Variants in R3HCC1L observed in about 807,000 individuals in gnomAD.
The protein encoded by R3HCC1L is coiled-coil domain-containing protein R3HCC1L.
R3HCC1L carries 51 observed loss-of-function variants against 59.9 expected under a neutral mutation model. The ratio of observed to expected loss-of-function variants is 0.85; its 90% CI spans 0.68 to 1.07. The LOEUF is 1.07. R3HCC1L is among the 50% of genes least tolerant of loss of function. The pLI is 0.00. For synonymous variants in R3HCC1L, 322 were observed against 315.2 expected, an observed-to-expected ratio of 1.02 and a Z score of -0.23; for missense variants, 965 against 933.0, an observed-to-expected ratio of 1.03 and a Z score of -0.45.
rs1852929197 is a variant in R3HCC1L at position 98,208,097 on chromosome 10, G to A, written c.-14-4G>A. ...CTAATAATTAAATCATTCTTCTCTT[G>A]CAGATTGTGGTGGTGCCATGCAGCA... On this transcript the variant is annotated splice_polypyrimidine_tract_variant and splice_region_variant and intron_variant, in intron 4 of 9. Transcript: ENST00000298999. The A allele has an allele frequency of 6.3e-7, 1 of 1,582,226 alleles. No individual in the cohort carries two copies. Among genetic ancestry groups the A allele is most frequent in the South Asian group, 1.2e-5 (1 of 85,836 alleles).
At chr10:98,176,732 T>A (rs1849061705) in intron 4 of R3HCC1L, among the ~76,000 whole-genome samples, 1 of 152,158 alleles carries the variant, frequency 6.6e-6, no homozygotes, top group Non-Finnish European at 1.5e-5. Context: ...AAACCTCCAT[T>A]TTAATGTCAA....
chr10:98,192,509 A>G (rs1414308853), intron 4 of R3HCC1L, among the ~76,000 whole-genome samples: 1 of 152,186 alleles, frequency 6.6e-6, no homozygotes, highest in Non-Finnish European at 1.5e-5. Flanking sequence ...TTAAGTGACT[A>G]TTATAAACAA....
rs749862286 is a variant in R3HCC1L, at chr10:98,208,809, A to T, written c.695A>T (p.Asn232Ile). Reference sequence around the variant, plus strand: ...TTTAGTTCTGTCATGAAACCTGAGAATATGATTGTACCAATAAAACTAAGC... The same window carrying T: ...TTTAGTTCTGTCATGAAACCTGAGATTATGATTGTACCAATAAAACTAAGC... ...RVFSSVMKPE[N>I]MIVPIKLSSD... The change falls in exon 5 of 10, where the codon AAT becomes ATT. Residue 232 changes from asparagine to isoleucine, a missense_variant. Coordinates refer to ENST00000298999, the MANE Select transcript of R3HCC1L (RefSeq NM_001351015.2). 1.9e-6 allele frequency: 3 copies of T among 1,614,082 alleles called. No homozygotes were observed. Among genetic ancestry groups the T allele is most frequent in the African/African-American group, 1.3e-5 (1 of 75,046 alleles).
chr10:98,147,852 A>C (rs1166241299), intron 1 of R3HCC1L, among the ~76,000 whole-genome samples: 1 of 152,112 alleles, frequency 6.6e-6, no homozygotes, highest in African/African-American at 2.4e-5. Context: ...TGATACCTCC[A>C]GTTTTCTTCT....
At chr10:98,149,716 T>G (rs1211723228) in intron 1 of R3HCC1L, among the ~76,000 whole-genome samples, 2 of 152,246 alleles carry the variant, frequency 1.3e-5, no homozygotes, top group African/African-American at 4.8e-5. Context: ...GATTTCTGCT[T>G]TTTTGAATTT....
At chr10:98,196,850 G>A (rs140040751) in intron 4 of R3HCC1L, among the ~76,000 whole-genome samples, 3 of 152,208 alleles carry the variant, frequency 2.0e-5, no homozygotes, top group South Asian at 2.1e-4. Context: ...AATAAAATCC[G>A]AAGCTCTTGC....
chr10:98,233,661 T>C (rs945510942), intron 6 of R3HCC1L, among the ~76,000 whole-genome samples: 21 of 152,204 alleles, frequency 1.4e-4, no homozygotes, highest in African/African-American at 4.8e-4. Flanking sequence ...CTGAAAAATA[T>C]AACTGTTATG....
Position 98,192,004 on chromosome 10 carries a change from C to T in R3HCC1L, c.-14-16097C>T, listed in dbSNP as rs528553909. On this transcript the variant is annotated intron_variant, in intron 4 of 9. Transcript: ENST00000298999. ...CACGCCTGGCTAATTTTTGTACCTT[C>T]AGTAGAGATGGGGCTTCACCATGTT... Among the ~76,000 whole-genome samples, 6 of 152,138 alleles carry T rather than the reference C, an allele frequency of 3.9e-5. No individual in the cohort carries two copies. The South Asian group carries it at 1.2e-3, about 32-fold the overall frequency.
chr10:98,222,859 C>T lies in R3HCC1L; in HGVS notation c.1786-8653C>T, dbSNP rs1855198618. Reference sequence around the variant, plus strand: ...CAATAAAAAATGATAAAGGGGATATCACCACCGATCCCACAGAAATACAAA... The same window carrying T: ...CAATAAAAAATGATAAAGGGGATATTACCACCGATCCCACAGAAATACAAA... On this transcript the variant is annotated intron_variant, in intron 5 of 9. Coordinates refer to ENST00000298999, the MANE Select transcript of R3HCC1L (RefSeq NM_001351015.2). Among the ~76,000 whole-genome samples, 3 of 152,102 alleles carry T rather than the reference C, an allele frequency of 2.0e-5. No individual in the cohort carries two copies. In the South Asian group the frequency reaches 6.2e-4, roughly 32 times the overall value.
At chr10:98,203,155 A>T (rs1010823858) in intron 4 of R3HCC1L, among the ~76,000 whole-genome samples, 2 of 152,238 alleles carry the variant, frequency 1.3e-5, no homozygotes, top group Non-Finnish European at 2.9e-5. Flanking sequence ...ATCCCTATTT[A>T]TAGGAAATAC....
At chr10:98,160,060 T>C (rs1230305177) in intron 2 of R3HCC1L, among the ~76,000 whole-genome samples, 1 of 152,236 alleles carries the variant, frequency 6.6e-6, no homozygotes, top group Non-Finnish European at 1.5e-5. Context: ...CCTTTCCTCA[T>C]TCCTTATTTA....
intron 2 of R3HCC1L, among the ~76,000 whole-genome samples, chr10:98,158,715 T>C (rs1847118849): frequency 2.0e-5 from 3 of 152,188 alleles, no homozygotes; most frequent in Admixed American, 2.0e-4. Context: ...TTGTACTTTA[T>C]AGCAAAAGAA....
intron 4 of R3HCC1L, among the ~76,000 whole-genome samples, chr10:98,172,518 G>C (rs1848614666): frequency 6.6e-6 from 1 of 152,154 alleles, no homozygotes; most frequent in Non-Finnish European, 1.5e-5. Context: ...TTGGATCGAT[G>C]GTGGTTTGGA....
At chr10:98,242,696 T>C (rs1007200061) in intron 9 of R3HCC1L, among the ~76,000 whole-genome samples, 1 of 152,240 alleles carries the variant, frequency 6.6e-6, no homozygotes, top group African/African-American at 2.4e-5. Context: ...ATTGAAAAAT[T>C]GGAGTTCTAA....
At chr10:98,230,418 G>A (rs1270718413) in intron 5 of R3HCC1L, among the ~76,000 whole-genome samples, 3 of 151,958 alleles carry the variant, frequency 2.0e-5, no homozygotes, top group Non-Finnish European at 4.4e-5. Flanking sequence ...CTGTGGGATC[G>A]GTGGTGATAT....
chr10:98,183,967 T>G (rs1849949227), intron 4 of R3HCC1L, among the ~76,000 whole-genome samples: 1 of 151,088 alleles, frequency 6.6e-6, no homozygotes. Context: ...GGTTTTTTTT[T>G]TTTTTTGGTT....
intron 4 of R3HCC1L, among the ~76,000 whole-genome samples, chr10:98,174,129 A>G (rs556236097): frequency 6.6e-6 from 1 of 152,330 alleles, no homozygotes; most frequent in East Asian, 1.9e-4. Context: ...TCAAAGTACT[A>G]ATACAATCTT....
intron 5 of R3HCC1L, among the ~76,000 whole-genome samples, chr10:98,218,792 T>C (rs1382694032): frequency 6.6e-6 from 1 of 152,242 alleles, no homozygotes; most frequent in Non-Finnish European, 1.5e-5. Context: ...CCAGCTATTA[T>C]TGTATTGGAG....
At chr10:98,241,874 AATT>A in intron 9 of R3HCC1L, among the ~76,000 whole-genome samples, 1 of 152,212 alleles carries the variant, frequency 6.6e-6, no homozygotes, top group Non-Finnish European at 1.5e-5. Context: ...AAAATAAAGA[AATT>A]ATTATTTCCT....
Sources: allele counts gnomAD v4.1 joint callset (sites outside exome capture counted in the v4.1 genomes callset), GRCh38; gene constraint gnomAD v4.1.1; transcripts MANE v1.5; gene names NCBI Gene and HGNC (gene_info 2026-07-23, HGNC 2026-07-21).